The following POC1A variants were observed in gnomAD, a reference collection of about 807,000 sequenced individuals.
POC1A encodes the protein POC1 centriolar protein homolog A.
In POC1A, 34 loss-of-function variants were observed where a neutral mutation model predicts 47.8. The ratio of observed to expected loss-of-function variants is 0.71; its 90% CI spans 0.54 to 0.95. The LOEUF is 0.95. Among genes scored for constraint, POC1A ranks in the 40% least tolerant of loss-of-function variants. The probability of loss-of-function intolerance (pLI) is 0.00; values close to 1 mark genes in which losing one functional copy is unlikely to be tolerated. For synonymous variants in POC1A, 177 were observed against 207.6 expected (o/e 0.85, Z 1.27); for missense variants, 466 against 528.3 (o/e 0.88, Z 1.16).
chr3:52,149,777 C>T lies in POC1A; in HGVS notation c.275+39G>A, dbSNP rs925461515. 1.9e-6 allele frequency: 3 copies of T among 1,584,314 alleles called. No individual in the cohort carries two copies. In the African/African-American group the frequency reaches 4.0e-5, roughly 21 times the overall value. On this transcript the variant is annotated intron_variant, in intron 3 of 10. Transcript: ENST00000296484. ...GTGGGGATGGCTCTGGCACCAGGGC[C>T]CCAGACTCCAACAAGCCTCCTCAAA...
At chr3:52,150,698 C>T (rs548488197) in intron 2 of POC1A, among the ~76,000 whole-genome samples, 5 of 152,228 alleles carry the variant, frequency 3.3e-5, no homozygotes, top group African/African-American at 1.2e-4. Context: ...AAAGGAGTCA[C>T]TGTTTAGGGC....
chr3:52,140,788 C>T (rs371358443), intron 6 of POC1A, among the ~76,000 whole-genome samples: 8 of 152,218 alleles, frequency 5.3e-5, no homozygotes, highest in Middle Eastern at 3.2e-3. Context: ...ACTCTCACTC[C>T]TCTTGCCTCT....
At chr3:52,134,225 G>A (rs1247507053) in intron 7 of POC1A, among the ~76,000 whole-genome samples, 1 of 151,590 alleles carries the variant, frequency 6.6e-6, no homozygotes, top group Non-Finnish European at 1.5e-5. Context: ...GGAATGAAGG[G>A]GTTAAAAAAA....
In POC1A at chr3:52,092,292, G is replaced by A. The variant is rs567019880; in HGVS notation, c.1125+4277C>T. Reference sequence around the variant, plus strand: ...CACAGAGCCCTGGGCAAGAGCTTCTGGCCTTACCTTTCAGGGAGGTCAAGT... The same window carrying A: ...CACAGAGCCCTGGGCAAGAGCTTCTAGCCTTACCTTTCAGGGAGGTCAAGT... On this transcript the variant is annotated intron_variant, in intron 10 of 10. Transcript: ENST00000296484. 3.9e-5 allele frequency among the ~76,000 whole-genome samples: 6 copies of A among 152,298 alleles called. No homozygotes were observed. In the South Asian group the frequency reaches 1.2e-3, roughly 32 times the overall value.
At chr3:52,092,243 A>C (rs1702666442) in intron 10 of POC1A, among the ~76,000 whole-genome samples, 1 of 152,054 alleles carries the variant, frequency 6.6e-6, no homozygotes. Flanking sequence ...GACCTAAGGG[A>C]CTCGGCCTGC....
intron 10 of POC1A, among the ~76,000 whole-genome samples, chr3:52,077,252 G>A (rs1213323732): frequency 6.6e-6 from 1 of 152,244 alleles, no homozygotes; most frequent in Non-Finnish European, 1.5e-5. Flanking sequence ...GCTTTCCCAA[G>A]AGGTTTTGCC....
chr3:52,147,046 C>G lies in POC1A; in HGVS notation c.505G>C (p.Val169Leu). The G allele has an allele frequency of 6.2e-7, 1 of 1,614,180 alleles. No individual in the cohort carries two copies. Among genetic ancestry groups the G allele is most frequent in the African/African-American group, 1.3e-5 (1 of 75,056 alleles). The change falls in exon 5 of 11, where the codon GTT (valine) becomes CTT (leucine). Residue 169 changes from valine to leucine, a missense_variant. By Grantham distance (32) the Val-to-Leu change is conservative (BLOSUM62 1). Transcript: ENST00000296484. ...LIVSASDDKTVKLWDKSSREC... is the reference protein window; with the variant it reads ...LIVSASDDKTLKLWDKSSREC... Reference sequence around the variant, plus strand: ...CGGCTGCTCTTGTCCCACAGCTTAACAGTCTTGTCATCACTGGCAGACACG... The same window carrying G: ...CGGCTGCTCTTGTCCCACAGCTTAAGAGTCTTGTCATCACTGGCAGACACG...
intron 7 of POC1A, among the ~76,000 whole-genome samples, chr3:52,132,840 T>A (rs1704276033): frequency 6.6e-6 from 1 of 151,832 alleles, no homozygotes; most frequent in South Asian, 2.1e-4. Context: ...AGGTCAGGAG[T>A]TCGAGACCAG....
chr3:52,082,078 G>A (rs1330367537), intron 10 of POC1A, among the ~76,000 whole-genome samples: 2 of 152,050 alleles, frequency 1.3e-5, no homozygotes, highest in Non-Finnish European at 2.9e-5. Flanking sequence ...TGGCAGGCAT[G>A]GGGTGGTCTG....
intron 9 of POC1A, among the ~76,000 whole-genome samples, chr3:52,114,334 G>A (rs188564940): frequency 4.9e-4 from 75 of 152,270 alleles, no homozygotes; most frequent in African/African-American, 1.6e-3. Flanking sequence ...AACCGGAGAC[G>A]CCCCACAGAA....
chr3:52,075,412 G>A lies in POC1A; in HGVS notation c.*475C>T, dbSNP rs559997284. The A allele has an allele frequency of 1.9e-5, 3 of 157,578 alleles. No homozygotes were observed. The highest frequency in any genetic ancestry group is 6.0e-5 in the Admixed American group (1 of 16,640). The allele number at this position is 157,578 out of a possible 1,614,324, so 9.8% of individuals were successfully genotyped here. ...GTTCTCAACAAACCTGACTCAGATG[G>A]GCCCACTTTGGGCCTTTAGTCAGAT... On this transcript the variant is annotated 3_prime_UTR_variant, in exon 11 of 11. Transcript: ENST00000296484.
chr3:52,107,740 T>C (rs1414937172), intron 9 of POC1A, among the ~76,000 whole-genome samples: 4 of 152,242 alleles, frequency 2.6e-5, no homozygotes, highest in Non-Finnish European at 5.9e-5. Context: ...GAACTAATTT[T>C]AGAATTGGAG....
rs35898691 is a variant in POC1A, at chr3:52,096,650, C to A, written c.1044G>T (p.Gln348His). ...GGGGCACACTCACGGGCTCCTGGGG[C>A]TGGCTCTGCACAGACTCCACACTCC... ...RGRSVESVQS[Q>H]PQEPVSVPQT... is the part of the protein sequence containing the mutation. The change falls in exon 10 of 11, where the codon CAG (glutamine) becomes CAT (histidine). Residue 348 changes from glutamine to histidine, a missense_variant. By Grantham distance (24) the Gln-to-His change is conservative. Transcript: ENST00000296484. 9,689 of 1,612,976 alleles carry A rather than the reference C, an allele frequency of 6.0e-3. 572 individuals carry two copies. The African/African-American group carries it at 0.12, about 19-fold the overall frequency.
Position 52,104,498 on chromosome 3 carries a change from A to C in POC1A, c.982-7786T>G, listed in dbSNP as rs111698112. Among the ~76,000 whole-genome samples, 5 of 152,370 alleles carry C rather than the reference A, an allele frequency of 3.3e-5. 1 individual carries two copies. The highest frequency in any genetic ancestry group is 1.2e-4 in the African/African-American group (5 of 41,576). ...AAATTATAAAGCCGGACTGAAAACA[A>C]AAAACATGTGGTTACAACTAAAATG... On this transcript the variant is annotated intron_variant, in intron 9 of 10. Coordinates refer to ENST00000296484, the MANE Select transcript of POC1A (RefSeq NM_015426.5).
intron 3 of POC1A, 59 bp downstream of exon 3, chr3:52,149,757 G>A: frequency 6.6e-6 from 10 of 1,526,140 alleles, no homozygotes; most frequent in African/African-American, 1.4e-5. Flanking sequence ...CCTGGGTGGG[G>A]ATGGCTCTGG....
At chr3:52,150,366 G>A (rs1247477127) in intron 2 of POC1A, among the ~76,000 whole-genome samples, 1 of 152,210 alleles carries the variant, frequency 6.6e-6, no homozygotes, top group African/African-American at 2.4e-5. Context: ...CCCATTGAGA[G>A]GGCCCAACTC....
At chr3:52,134,759 C>T (rs1434488733) in intron 7 of POC1A, among the ~76,000 whole-genome samples, 4 of 151,734 alleles carry the variant, frequency 2.6e-5, no homozygotes, top group African/African-American at 9.7e-5. Flanking sequence ...TCATAAGACC[C>T]CCTACTAATC....
intron 9 of POC1A, among the ~76,000 whole-genome samples, chr3:52,099,068 G>A (rs997999618): frequency 1.3e-5 from 2 of 152,058 alleles, no homozygotes; most frequent in African/African-American, 4.8e-5. Context: ...CCTCTCCAAC[G>A]TCCCCATGGA....
At chr3:52,115,072 T>A (rs1703514021) in intron 9 of POC1A, among the ~76,000 whole-genome samples, 1 of 152,150 alleles carries the variant, frequency 6.6e-6, no homozygotes, top group Admixed American at 6.5e-5. Flanking sequence ...CCATGCCTTT[T>A]CCAAGTTGGG....
Sources: allele counts gnomAD v4.1 joint callset (sites outside exome capture counted in the v4.1 genomes callset), GRCh38; gene constraint gnomAD v4.1.1; transcripts MANE v1.5; gene names NCBI Gene and HGNC (gene_info 2026-07-23, HGNC 2026-07-21).